Variants in METTL3 observed in about 807,000 individuals in gnomAD.
METTL3 encodes methyltransferase 3, N6-adenosine-methyltransferase complex catalytic subunit.
A neutral mutation model predicts 64.3 loss-of-function variants in METTL3; 42 were observed. The observed-to-expected ratio is 0.65, with a 90% CI of 0.51 to 0.84. The LOEUF (loss-of-function observed/expected upper bound fraction) is 0.84, where lower values mean the gene tolerates loss of function less well. Ranked by LOEUF, METTL3 falls within the 40% of genes least tolerant of loss-of-function variation. METTL3 has a pLI of 0.00. For missense variants in METTL3, 435 were observed against 722.3 expected, an observed-to-expected ratio of 0.60 and a Z score of 4.56; for synonymous variants, 256 against 263.6, an observed-to-expected ratio of 0.97 and a Z score of 0.28.
chr14:21,502,983 T>G (rs1891606075), intron 3 of METTL3, 190 bp downstream of exon 3: 2 of 638,020 alleles, frequency 3.1e-6, no homozygotes, highest in South Asian at 4.3e-5. Flanking sequence ...TAGATGCCAA[T>G]AGCACTCCCC....
intron 1 of METTL3, among the ~76,000 whole-genome samples, chr14:21,505,322 A>C (rs1229501158): frequency 6.6e-6 from 1 of 152,206 alleles, no homozygotes; most frequent in African/African-American, 2.4e-5. Context: ...TTTAAGTGAG[A>C]AATCTATAAA....
chr14:21,499,548 T>C lies in METTL3; in HGVS notation c.1396A>G (p.Ile466Val). 1 of 1,614,262 alleles carries C rather than the reference T, an allele frequency of 6.2e-7. No individual in the cohort carries two copies. The highest frequency in any genetic ancestry group is 8.5e-7 in the Non-Finnish European group (1 of 1,180,044). Residue 466 changes from isoleucine (I) to valine (V), a missense_variant, in exon 8 of 11, where the codon ATC (isoleucine) becomes GTC (valine). Physicochemically the swap from Ile to Val is conservative, Grantham distance 29. Transcript: ENST00000298717. ...TGACCTGTACGGCCTGTCCGAATGA[T>C]GCGTTGCAGTTGATTTGTCTTCACC... is the stretch of plus-strand genomic sequence containing the variant. ...IWVKTNQLQR[I>V]IRTGRTGHWL...
chr14:21,506,379 C>A (rs1891698297), intron 1 of METTL3, among the ~76,000 whole-genome samples: 1 of 151,854 alleles, frequency 6.6e-6, no homozygotes, highest in Non-Finnish European at 1.5e-5. Context: ...CGGTGAAACC[C>A]CGTCTCTACT....
At position 21,500,643 on chromosome 14, in the gene METTL3, A is replaced by G; in HGVS notation, c.1156T>C (p.Leu386=). The G allele has an allele frequency of 6.2e-7, 1 of 1,614,128 alleles. No individual in the cohort carries two copies. Among genetic ancestry groups the G allele is most frequent in the Non-Finnish European group, 8.5e-7 (1 of 1,180,008 alleles). Residue 386 remains leucine (L), a synonymous_variant, in exon 6 of 11, where the codon TTG becomes CTG. Transcript: ENST00000298717. The stretch of plus-strand genomic sequence containing the variant: ...GCCATCACAACTGCAAACTTGCCCA[A>G]GATACTGACGTCCAGGTAGCGGATA... The part of the protein sequence containing the change: ...CDIRYLDVSI[L]GKFAVVMADP...
At chr14:21,499,887 A>G in intron 6 of METTL3, 85 bp from the exon 7 acceptor site, 1 of 1,285,044 alleles carries the variant, frequency 7.8e-7, no homozygotes, top group Non-Finnish European at 1.1e-6. Context: ...AACACTATAA[A>G]CACTTTTTCA....
intron 1 of METTL3, chr14:21,507,850 T>C (rs565684276): frequency 6.6e-6 from 1 of 152,360 alleles, no homozygotes; most frequent in East Asian, 1.9e-4. Context: ...AGTGACATTC[T>C]GGTTTAATTT....
Position 21,500,941 on chromosome 14 carries a change from G to T in METTL3, c.1088C>A (p.Ser363Tyr). The T allele has an allele frequency of 6.2e-7, 1 of 1,614,088 alleles. No individual in the cohort carries two copies. The highest frequency in any genetic ancestry group is 8.5e-7 in the Non-Finnish European group (1 of 1,179,984). The stretch of plus-strand genomic sequence containing the variant: ...AGGTGGGAAGAGTCGGTCTGCACTG[G>T]AATCACCTCCGACACTCTGTGTAAG... Reference protein sequence around the residue: ...LALTQSVGGDSSADRLFPPQW... With the variant: ...LALTQSVGGDYSADRLFPPQW... Residue 363 changes from serine to tyrosine, a missense_variant, in exon 5 of 11, where the codon TCC becomes TAC. Ser to Tyr is a moderately radical substitution (Grantham distance 144, BLOSUM62 -2). Around this residue, in one of 9 missense-constraint regions of METTL3, gnomAD observed 67 missense variants for 71.5 expected, o/e 0.94. Transcript: ENST00000298717.
At chr14:21,509,776 A>AG (rs1009319047) in intron 1 of METTL3, among the ~76,000 whole-genome samples, 2 of 152,198 alleles carry the variant, frequency 1.3e-5, no homozygotes, top group African/African-American at 4.8e-5. Context: ...ACCAAAGAAT[A>AG]GGGGAAAAAA....
chr14:21,503,975 A>G, intron 1 of METTL3, 94 bp from the exon 2 acceptor site: 5 of 1,163,866 alleles, frequency 4.3e-6, no homozygotes, highest in Non-Finnish European at 6.1e-6. Context: ...CCATACACAG[A>G]TCTTTCATTT....
chr14:21,499,638 CT>C (rs1265579093), intron 7 of METTL3, 38 bp from the exon 8 acceptor site: 2 of 1,601,858 alleles, frequency 1.2e-6, no homozygotes, highest in Admixed American at 1.7e-5. Flanking sequence ...TTTAGCCAAA[CT>C]TTTACAGTTT....
In METTL3 at chr14:21,499,552, T is replaced by C. The variant is rs569532008; in HGVS notation, c.1392A>G (p.Gln464=). Residue 464 remains glutamine, a synonymous_variant, in exon 8 of 11, where the codon CAA becomes CAG. Coordinates refer to ENST00000298717, the MANE Select transcript of METTL3 (RefSeq NM_019852.5). ...CTGTACGGCCTGTCCGAATGATGCG[T>C]TGCAGTTGATTTGTCTTCACCCAAA... ...EIIWVKTNQL[Q]RIIRTGRTGH... The C allele has an allele frequency of 5.0e-6, 8 of 1,614,204 alleles. No individual in the cohort carries two copies. In the African/African-American group the frequency reaches 5.3e-5, roughly 11 times the overall value.
At chr14:21,506,411 G>A (rs569456922) in intron 1 of METTL3, among the ~76,000 whole-genome samples, 61 of 152,120 alleles carry the variant, frequency 4.0e-4, no homozygotes, top group African/African-American at 1.2e-3. Flanking sequence ...AAAATTAGCC[G>A]GACGTGGTGG....
chr14:21,500,207 AAG>A (rs1189444618), intron 6 of METTL3, among the ~76,000 whole-genome samples: 3 of 152,038 alleles, frequency 2.0e-5, no homozygotes, highest in Admixed American at 6.6e-5. Flanking sequence ...AAAATACAAA[AAG>A]AAAAAATTAG....
At chr14:21,501,346 G>A in intron 4 of METTL3, 1 of 574,498 alleles carries the variant, frequency 1.7e-6, no homozygotes, top group Non-Finnish European at 3.1e-6. Flanking sequence ...TTGGTTTCCT[G>A]TTTTACCACT....
rs772795311 is a variant in METTL3, at chr14:21,511,115, G to A, written c.100+9C>T. On this transcript the variant is annotated intron_variant, in intron 1 of 10. Coordinates refer to ENST00000298717, the MANE Select transcript of METTL3 (RefSeq NM_019852.5). ...GTTGAGCCTCGGCCCCAACAGCCCA[G>A]TGCCTCACCCAAGTGCCCCGAGTCC... The A allele has an allele frequency of 3.1e-5, 50 of 1,613,648 alleles. No homozygotes were observed. The Middle Eastern group carries it at 4.9e-4, about 16-fold the overall frequency.
At chr14:21,500,724 T>C (rs1186267943) in intron 5 of METTL3, 42 bp from the exon 6 acceptor site, 2 of 1,570,124 alleles carry the variant, frequency 1.3e-6, no homozygotes, top group Non-Finnish European at 1.7e-6. Flanking sequence ...ACTTTAACTC[T>C]GAGATTCATG....
Position 21,503,202 on chromosome 14 carries a change from G to C in METTL3, c.694C>G (p.Gln232Glu), listed in dbSNP as rs1891612677. 1.2e-6 allele frequency: 2 copies of C among 1,613,438 alleles called. No homozygotes were observed. The highest frequency in any genetic ancestry group is 1.3e-5 in the African/African-American group (1 of 74,916). ...DLEIESLLNQQSTKEQQSKKV... is the reference protein window; with the variant it reads ...DLEIESLLNQESTKEQQSKKV... ...TTGCTCTGTTGTTCCTTAGTGGACTGTTGGTTCAGAAGGCTCTCTATCTCC... is the reference window on the plus strand; with the variant it reads ...TTGCTCTGTTGTTCCTTAGTGGACTCTTGGTTCAGAAGGCTCTCTATCTCC... The change falls in exon 3 of 11, where the codon CAG (glutamine) becomes GAG (glutamate). Residue 232 changes from glutamine to glutamate, a missense_variant. Transcript: ENST00000298717.
chr14:21,506,541 G>A (rs1473553092), intron 1 of METTL3, among the ~76,000 whole-genome samples: 2 of 152,040 alleles, frequency 1.3e-5, no homozygotes, highest in Admixed American at 6.5e-5. Context: ...GTGACAGAGC[G>A]AGACTCCGTC....
At chr14:21,504,026 C>G in intron 1 of METTL3, 145 bp from the exon 2 acceptor site, 1 of 668,182 alleles carries the variant, frequency 1.5e-6, no homozygotes, top group Non-Finnish European at 2.5e-6. Context: ...ACTAGATTAC[C>G]TATCCTCAAT....
Sources: allele counts gnomAD v4.1 joint callset (sites outside exome capture counted in the v4.1 genomes callset), GRCh38; gene constraint gnomAD v4.1.1; regional missense constraint gnomAD v4.1.1; transcripts MANE v1.5; gene names NCBI Gene and HGNC (gene_info 2026-07-23, HGNC 2026-07-21).